TFPI: variants seen among roughly 807,000 people sequenced by gnomAD.
TFPI encodes the protein anti-convertin.
Under a neutral mutation model 34.6 loss-of-function variants are expected in TFPI, and 15 were observed. The ratio of observed to expected loss-of-function variants is 0.43; its 90% CI spans 0.29 to 0.67. TFPI has a LOEUF of 0.67. Among genes scored for constraint, TFPI ranks in the 30% least tolerant of loss-of-function variants. TFPI has a pLI of 0.15. For synonymous variants in TFPI, 105 were observed against 120.1 expected, an observed-to-expected ratio of 0.87 and a Z score of 0.82; for missense variants, 301 against 364.0, an observed-to-expected ratio of 0.83 and a Z score of 1.41.
At chr2:187,550,148 C>T (rs774799552) in intron 1 of TFPI, among the ~76,000 whole-genome samples, 41 of 152,030 alleles carry the variant, frequency 2.7e-4, no homozygotes, top group Non-Finnish European at 5.3e-4. Flanking sequence ...CAGAGTTACA[C>T]AGAAAGAAAG....
At chr2:187,543,501 G>A (rs1466402324) in intron 1 of TFPI, among the ~76,000 whole-genome samples, 1 of 152,206 alleles carries the variant, frequency 6.6e-6, no homozygotes, top group East Asian at 1.9e-4. Flanking sequence ...TTAGGTCAAT[G>A]AGATTATGAA....
At chr2:187,501,507 C>A (rs548063199) in intron 2 of TFPI, among the ~76,000 whole-genome samples, 1 of 152,092 alleles carries the variant, frequency 6.6e-6, no homozygotes, top group East Asian at 1.9e-4. Flanking sequence ...TATTTTCTGG[C>A]AGGGAAGAAC....
chr2:187,484,959 T>C lies in TFPI; in HGVS notation c.387A>G (p.Glu129=), dbSNP rs762551572. The C allele has an allele frequency of 1.3e-6, 2 of 1,503,414 alleles. No homozygotes were observed. Among genetic ancestry groups the C allele is most frequent in the Non-Finnish European group, 1.8e-6 (2 of 1,127,848 alleles). The allele number at this position is 1,503,414 out of a possible 1,614,324, so 93.1% of individuals were successfully genotyped here. Residue 129 remains glutamate, a synonymous_variant, in exon 5 of 8, where the codon GAA becomes GAG. Transcript: ENST00000233156. ...QEKPDFCFLE[E]DPGICRGYIT... is the part of the protein sequence containing the mutation. ...TATAACCTCGACATATTCCAGGATC[T>C]TCTTCCAAAAAGCAGAAATCTGGCT...
At position 187,503,786 on chromosome 2, in the gene TFPI, C is replaced by T; in HGVS notation, c.-2-16G>A. 6.2e-7 allele frequency: 1 copy of T among 1,609,488 alleles called. No homozygotes were observed. ...TAAATCATCTCTGAAATACAGAACCCATACATATCTAATAAATAAAGTGTT... is the reference window on the plus strand; with the variant it reads ...TAAATCATCTCTGAAATACAGAACCTATACATATCTAATAAATAAAGTGTT... On this transcript the variant is annotated splice_polypyrimidine_tract_variant and intron_variant, in intron 1 of 7. Coordinates refer to ENST00000233156, the MANE Select transcript of TFPI (RefSeq NM_006287.6).
intron 2 of TFPI, among the ~76,000 whole-genome samples, chr2:187,503,128 T>C (rs771588415): frequency 1.3e-5 from 2 of 152,044 alleles, no homozygotes; most frequent in Non-Finnish European, 1.5e-5. Context: ...CAGAGTTTTA[T>C]GGGATTAGAT....
intron 3 of TFPI, among the ~76,000 whole-genome samples, chr2:187,496,264 A>G (rs1456919835): frequency 2.0e-5 from 3 of 152,090 alleles, no homozygotes; most frequent in Admixed American, 6.6e-5. Context: ...TAGTTCTACT[A>G]TTTTATGCAG....
chr2:187,469,240 T>C (rs1691893581), intron 6 of TFPI, among the ~76,000 whole-genome samples: 1 of 152,080 alleles, frequency 6.6e-6, no homozygotes, highest in South Asian at 2.1e-4. Flanking sequence ...GAGAATAATT[T>C]ATGAGAAGAA....
chr2:187,478,939 T>C (rs1574381118), intron 6 of TFPI: 2 of 639,900 alleles, frequency 3.1e-6, no homozygotes, highest in East Asian at 5.7e-5. Flanking sequence ...TCTTGTAATC[T>C]AGACAGTGAG....
At chr2:187,512,061 G>C (rs1489017464) in intron 1 of TFPI, among the ~76,000 whole-genome samples, 1 of 152,058 alleles carries the variant, frequency 6.6e-6, no homozygotes, top group Non-Finnish European at 1.5e-5. Flanking sequence ...ACACTTTCTT[G>C]TTGTCAGTGT....
Position 187,465,523 on chromosome 2 carries a change from GAAAA to G in TFPI, c.*1409_*1412del, listed in dbSNP as rs1559090498. On this transcript the variant is annotated 3_prime_UTR_variant, in exon 8 of 8. Transcript: ENST00000233156. Reference sequence around the variant, plus strand: ...AAAAAAAAAACAAGAAAAAAGAAAAGAAAAAGAAAAAAGTAAAAAGCCTAGGGAT... The same window carrying G: ...AAAAAAAAAACAAGAAAAAAGAAAAGAGAAAAAAGTAAAAAGCCTAGGGAT... 1.3e-4 allele frequency: 8 copies of G among 61,532 alleles called. No individual in the cohort carries two copies. The highest frequency in any genetic ancestry group is 4.2e-4 in the African/African-American group (7 of 16,540). The allele number at this position is 61,532 out of a possible 1,614,324, so 3.8% of individuals were successfully genotyped here. A position where few individuals can be genotyped will look rare whatever the true frequency, so the allele number is the denominator to read the frequency against.
chr2:187,537,617 T>C (rs1688332305), intron 1 of TFPI, among the ~76,000 whole-genome samples: 1 of 152,024 alleles, frequency 6.6e-6, no homozygotes, highest in African/African-American at 2.4e-5. Context: ...TAAATGTAAG[T>C]CCTAAAACCA....
intron 3 of TFPI, among the ~76,000 whole-genome samples, chr2:187,490,543 ATGATTAG>A (rs1685047619): frequency 6.6e-6 from 1 of 151,560 alleles, no homozygotes; most frequent in Non-Finnish European, 1.5e-5. Context: ...AATCATTCTT[ATGATTAG>A]TGCTTACATA....
intron 1 of TFPI, among the ~76,000 whole-genome samples, chr2:187,552,409 G>T (rs1689128226): frequency 6.6e-6 from 1 of 151,974 alleles, no homozygotes; most frequent in African/African-American, 2.4e-5. Context: ...TAATTTTTAA[G>T]ATAATTAAGC....
intron 1 of TFPI, among the ~76,000 whole-genome samples, chr2:187,511,043 T>TG (rs911800849): frequency 5.3e-5 from 8 of 152,182 alleles, no homozygotes; most frequent in African/African-American, 1.9e-4. Flanking sequence ...AGCATCCCTG[T>TG]GGGGACTCCA....
At chr2:187,498,693 A>G (rs561809824) in intron 2 of TFPI, among the ~76,000 whole-genome samples, 1 of 152,070 alleles carries the variant, frequency 6.6e-6, no homozygotes, top group East Asian at 1.9e-4. Context: ...CTATTTGATA[A>G]GTTAATTGAT....
At chr2:187,533,910 C>A (rs6723480) in intron 1 of TFPI, among the ~76,000 whole-genome samples, 1 of 151,836 alleles carries the variant, frequency 6.6e-6, no homozygotes, top group East Asian at 1.9e-4. Flanking sequence ...ATGAGAACTT[C>A]GTGAAGCATA....
intron 1 of TFPI, among the ~76,000 whole-genome samples, chr2:187,525,671 G>T (rs572922544): frequency 6.6e-6 from 1 of 152,072 alleles, no homozygotes; most frequent in Non-Finnish European, 1.5e-5. Flanking sequence ...TGTCATTGTT[G>T]TTGAGTCCTA....
intron 1 of TFPI, among the ~76,000 whole-genome samples, chr2:187,538,724 T>C (rs901423280): frequency 1.4e-4 from 22 of 152,202 alleles, no homozygotes; most frequent in African/African-American, 5.3e-4. Flanking sequence ...ACCCCAGAAC[T>C]TAAAGTAAAA....
In TFPI at chr2:187,465,690, A is replaced by G. The variant is rs193227801; in HGVS notation, c.*1246T>C. On this transcript the variant is annotated 3_prime_UTR_variant, in exon 8 of 8. Coordinates refer to ENST00000233156, the MANE Select transcript of TFPI (RefSeq NM_006287.6). The stretch of plus-strand genomic sequence containing the variant: ...GAAGAACAGGCAGAATTATACTATC[A>G]TTGTTAGCGAGAAGTCATGAAGCTA... 64 of 152,096 alleles carry G rather than the reference A, an allele frequency of 4.2e-4. 1 individual carries two copies. The highest frequency in any genetic ancestry group is 1.5e-3 in the African/African-American group (61 of 41,504). 9.4% of individuals were successfully genotyped at this position (152,096 alleles called of 1,614,324 possible). A position where few individuals can be genotyped will look rare whatever the true frequency, so the allele number is the denominator to read the frequency against.
Sources: gnomAD v4.1 joint callset for allele counts (sites outside exome capture counted in the v4.1 genomes callset) on GRCh38, gnomAD v4.1.1 for gene constraint, MANE v1.5 for transcripts, NCBI Gene and HGNC (gene_info 2026-07-23, HGNC 2026-07-21) for gene names.